CCDC12: variants seen among roughly 807,000 people sequenced by gnomAD.
CCDC12 encodes the protein coiled-coil domain containing 12, also known as coiled-coil domain-containing protein 12.
In CCDC12, 28 loss-of-function variants were observed where a neutral mutation model predicts 25.7. That is an observed-to-expected ratio of 1.09 (90% CI 0.81 to 1.50). CCDC12 has a LOEUF of 1.50. Ranked by LOEUF, CCDC12 falls within the 40% of genes most tolerant of loss-of-function variation. CCDC12 has a pLI of 0.00. For missense variants in CCDC12, 198 were observed against 210.0 expected, an observed-to-expected ratio of 0.94 and a Z score of 0.35; for synonymous variants, 75 against 87.7, an observed-to-expected ratio of 0.86 and a Z score of 0.81.
intron 1 of CCDC12, among the ~76,000 whole-genome samples, chr3:46,941,986 T>G (rs2033728390): frequency 6.6e-6 from 1 of 152,236 alleles, no homozygotes; most frequent in Admixed American, 6.5e-5. Context: ...CATGAAAATT[T>G]TCTTAATCTG....
chr3:46,922,485 T>C (rs985532338), intron 5 of CCDC12, 173 bp from the exon 6 acceptor site: 1 of 657,842 alleles, frequency 1.5e-6, no homozygotes, highest in Admixed American at 2.6e-5. Context: ...AAACCCAGCA[T>C]AAACCATCAT....
intron 5 of CCDC12, 145 bp downstream of exon 5, chr3:46,923,184 T>G (rs2032761542): frequency 1.1e-6 from 1 of 870,836 alleles, no homozygotes; most frequent in Admixed American, 3.9e-5. Context: ...CAGCACTGGT[T>G]TCCAACAGTA....
chr3:46,931,105 G>A (rs1446693854), intron 2 of CCDC12, among the ~76,000 whole-genome samples: 3 of 152,230 alleles, frequency 2.0e-5, no homozygotes, highest in African/African-American at 7.2e-5. Context: ...AGCAGAGAGG[G>A]CAGGAATGTG....
At chr3:46,923,217 C>T (rs2032763588) in intron 5 of CCDC12, 112 bp downstream of exon 5, 1 of 1,105,260 alleles carries the variant, frequency 9.0e-7, no homozygotes, top group Non-Finnish European at 1.2e-6. Context: ...AACTCTATGT[C>T]TGTACTGCCA....
upstream of CCDC12, among the ~76,000 whole-genome samples, chr3:46,977,826 G>A (rs369925148): frequency 8.5e-5 from 13 of 152,322 alleles, no homozygotes; most frequent in East Asian, 1.7e-3. Flanking sequence ...AAAGACTTGG[G>A]GTGGCCTCGA....
intron 1 of CCDC12, among the ~76,000 whole-genome samples, chr3:46,971,550 C>T (rs898535690): frequency 8.5e-5 from 13 of 152,210 alleles, no homozygotes; most frequent in African/African-American, 2.9e-4. Context: ...CAGAATAATA[C>T]ACGGAAACAT....
At chr3:46,951,649 G>T (rs1311961713) in intron 1 of CCDC12, among the ~76,000 whole-genome samples, 1 of 148,474 alleles carries the variant, frequency 6.7e-6, no homozygotes, top group South Asian at 2.1e-4. Context: ...GCGTGGTGGC[G>T]GGCACCTGCA....
At position 46,923,312 on chromosome 3, in the gene CCDC12, G is replaced by C; in HGVS notation, c.341+17C>G. The C allele has an allele frequency of 6.8e-7, 1 of 1,473,868 alleles. No homozygotes were observed. Among genetic ancestry groups the C allele is most frequent in the African/African-American group, 1.4e-5 (1 of 70,308 alleles). The allele number at this position is 1,473,868 out of a possible 1,614,324, so 91.3% of individuals were successfully genotyped here. ...CCCCGAGTCAGCCTGCACCCGCCAC[G>C]CACGGGCAACACTCACCAGTCAGGC... On this transcript the variant is annotated intron_variant, in intron 5 of 6. Transcript: ENST00000683445.
At chr3:46,939,949 G>A (rs1020523968) in intron 2 of CCDC12, among the ~76,000 whole-genome samples, 4 of 150,738 alleles carry the variant, frequency 2.7e-5, no homozygotes, top group Non-Finnish European at 1.5e-5. Flanking sequence ...CGCTCCCCCT[G>A]GGCAAAGCAG....
At chr3:46,963,591 G>A (rs887274285) in intron 1 of CCDC12, among the ~76,000 whole-genome samples, 8 of 152,178 alleles carry the variant, frequency 5.3e-5, no homozygotes, top group East Asian at 3.9e-4. Context: ...GAGTGCCTGC[G>A]ATCGCAGGCG....
chr3:46,941,036 C>T lies in CCDC12; in HGVS notation c.126G>A (p.Lys42=). Reference sequence around the variant, plus strand: ...CTTCTTCCTCCTCTTCTCTGAGATGCTTGGTCTTTGGCTCCCCATCTTCCT... The same window carrying T: ...CTTCTTCCTCCTCTTCTCTGAGATGTTTGGTCTTTGGCTCCCCATCTTCCT... ...KDKEDGEPKT[K]HLREEEEEGE... is the part of the protein sequence containing the mutation. Residue 42 remains lysine, a synonymous_variant, in exon 2 of 7, where the codon AAG becomes AAA. Transcript: ENST00000683445. 1 of 1,614,184 alleles carries T rather than the reference C, an allele frequency of 6.2e-7. No individual in the cohort carries two copies. The highest frequency in any genetic ancestry group is 8.5e-7 in the Non-Finnish European group (1 of 1,180,026).
At chr3:46,958,118 T>A (rs1176699664) in intron 1 of CCDC12, among the ~76,000 whole-genome samples, 1 of 152,064 alleles carries the variant, frequency 6.6e-6, no homozygotes, top group East Asian at 1.9e-4. Context: ...TAACGAAGAA[T>A]TCTTAACAGG....
At chr3:46,971,654 GAGTT>G (rs1401864662) in intron 1 of CCDC12, among the ~76,000 whole-genome samples, 15 of 152,314 alleles carry the variant, frequency 9.8e-5, no homozygotes, top group Non-Finnish European at 1.9e-4. Context: ...AGTCTGGTGA[GAGTT>G]AGGAAGAAAG....
At chr3:46,959,207 CA>C (rs11300687) in intron 1 of CCDC12, among the ~76,000 whole-genome samples, 143,508 of 152,228 alleles carry the variant, frequency 0.94, 68,254 homozygotes, top group East Asian at 1. Context: ...CCTTTAGCTA[CA>C]AAGCGTTTTT....
At chr3:46,963,220 T>C (rs901422598) in intron 1 of CCDC12, among the ~76,000 whole-genome samples, 1 of 152,182 alleles carries the variant, frequency 6.6e-6, no homozygotes, top group African/African-American at 2.4e-5. Context: ...TTGATCTGAG[T>C]GACTGATGAC....
At chr3:46,941,895 C>A (rs1207938917) in intron 1 of CCDC12, among the ~76,000 whole-genome samples, 1 of 152,208 alleles carries the variant, frequency 6.6e-6, no homozygotes, top group South Asian at 2.1e-4. Context: ...TGAACTAGGA[C>A]CAGGCTTGCA....
chr3:46,967,463 C>T (rs2034675556), intron 1 of CCDC12, among the ~76,000 whole-genome samples: 1 of 152,156 alleles, frequency 6.6e-6, no homozygotes, highest in Admixed American at 6.5e-5. Context: ...CTCAAACATG[C>T]CAAGCTAGTC....
intron 2 of CCDC12, among the ~76,000 whole-genome samples, chr3:46,927,040 T>G (rs1036496028): frequency 6.6e-6 from 1 of 152,218 alleles, no homozygotes; most frequent in African/African-American, 2.4e-5. Context: ...ATTTAAGGGC[T>G]CCACCTGCTT....
At chr3:46,962,291 G>A (rs1322754541) in intron 1 of CCDC12, among the ~76,000 whole-genome samples, 1 of 151,834 alleles carries the variant, frequency 6.6e-6, no homozygotes, top group Non-Finnish European at 1.5e-5. Context: ...AAAATTAGCT[G>A]GGCATGGTGG....
Sources: gnomAD v4.1 joint callset for allele counts (sites outside exome capture counted in the v4.1 genomes callset) on GRCh38, gnomAD v4.1.1 for gene constraint, MANE v1.5 for transcripts, NCBI Gene and HGNC (gene_info 2026-07-23, HGNC 2026-07-21) for gene names.